The following ACOT7 variants were observed in gnomAD, a reference collection of about 807,000 sequenced individuals.
The protein encoded by ACOT7 is cytosolic acyl coenzyme A thioester hydrolase.
A neutral mutation model predicts 40.2 loss-of-function variants in ACOT7; 12 were observed. That is an observed-to-expected ratio of 0.30 (90% CI 0.19 to 0.48). The LOEUF is 0.48. ACOT7 is among the 20% of genes least tolerant of loss of function. ACOT7 has a pLI of 0.99. For missense variants in ACOT7, 395 were observed against 530.8 expected (o/e 0.74, Z 2.51); for synonymous variants, 228 against 219.5 (o/e 1.04, Z -0.34).
chr1:6,367,370 G>A (rs1355430292), intron 1 of ACOT7, among the ~76,000 whole-genome samples: 3 of 152,182 alleles, frequency 2.0e-5, no homozygotes, highest in Non-Finnish European at 4.4e-5. Flanking sequence ...GGGGCCCACT[G>A]GGCTTATTCC....
At chr1:6,285,021 C>T (rs765302417) in intron 7 of ACOT7, among the ~76,000 whole-genome samples, 1 of 152,262 alleles carries the variant, frequency 6.6e-6, no homozygotes, top group African/African-American at 2.4e-5. Flanking sequence ...CCAACGACCC[C>T]ATTTGCATTG....
rs1641018219 is a variant in ACOT7, at chr1:6,333,532, T to C, written c.455A>G (p.Tyr152Cys). Reference sequence around the variant, plus strand: ...CACATTCTTCAGCGACAGGGGCACATACCACAGGGTGGCCTTATTGGTCAG... The same window carrying C: ...CACATTCTTCAGCGACAGGGGCACACACCACAGGGTGGCCTTATTGGTCAG... Reference protein sequence around the residue: ...KKLTNKATLWYVPLSLKNVDK... With the variant: ...KKLTNKATLWCVPLSLKNVDK... The change falls in exon 4 of 9, where the codon TAT (tyrosine) becomes TGT (cysteine). Residue 152 changes from tyrosine to cysteine, a missense_variant. Around this residue, in one of 2 missense-constraint regions of ACOT7, gnomAD observed 309 missense variants for 470.3 expected, o/e 0.66. Coordinates refer to ENST00000361521, the MANE Select transcript of ACOT7 (RefSeq NM_007274.4). The C allele has an allele frequency of 6.2e-7, 1 of 1,614,090 alleles. No individual in the cohort carries two copies.
intron 3 of ACOT7, among the ~76,000 whole-genome samples, chr1:6,336,252 T>G (rs1641098139): frequency 6.9e-6 from 1 of 145,662 alleles, no homozygotes; most frequent in Non-Finnish European, 1.5e-5. Context: ...GAGAATCACT[T>G]GAACCTGAGA....
intron 6 of ACOT7, among the ~76,000 whole-genome samples, chr1:6,316,176 T>C (rs1165017913): frequency 6.6e-6 from 1 of 152,082 alleles, no homozygotes; most frequent in Non-Finnish European, 1.5e-5. Context: ...GCTGTATGAG[T>C]CTCAAACACA....
rs1304183851 is a variant in ACOT7, at chr1:6,318,389, C to T, written c.712+103G>A. 6.1e-6 allele frequency: 8 copies of T among 1,306,678 alleles called. No individual in the cohort carries two copies. In the Admixed American group the frequency reaches 1.6e-4, roughly 26 times the overall value. 80.9% of individuals were successfully genotyped at this position (1,306,678 alleles called of 1,614,324 possible). ...AACTTCTTGGAAGTTTGTACTTCACCAAACACAAGAGCCTCAAGTGTGTCA... is the reference window on the plus strand; with the variant it reads ...AACTTCTTGGAAGTTTGTACTTCACTAAACACAAGAGCCTCAAGTGTGTCA... On this transcript the variant is annotated intron_variant, in intron 6 of 8. Coordinates refer to ENST00000361521, the MANE Select transcript of ACOT7 (RefSeq NM_007274.4).
rs1412944229 is a variant in ACOT7 at position 6,289,870 on chromosome 1, C to G, written c.829+4994G>C. Among the ~76,000 whole-genome samples, 4 of 152,196 alleles carry G rather than the reference C, an allele frequency of 2.6e-5. No individual in the cohort carries two copies. The East Asian group carries it at 5.8e-4, about 22-fold the overall frequency. On this transcript the variant is annotated intron_variant, in intron 7 of 8. Transcript: ENST00000361521. The surrounding 1 kb of genome is among the most constrained non-coding windows in gnomAD (Gnocchi z 4.6). ...ATAAAATATGCTGAAATGGGCACATCAGAAAACCCCCTTCCACCTGCTAAG... is the reference window on the plus strand; with the variant it reads ...ATAAAATATGCTGAAATGGGCACATGAGAAAACCCCCTTCCACCTGCTAAG...
At chr1:6,318,192 T>C (rs1391653617) in intron 6 of ACOT7, among the ~76,000 whole-genome samples, 2 of 152,170 alleles carry the variant, frequency 1.3e-5, no homozygotes, top group East Asian at 1.9e-4. Context: ...GTAGCTGGGA[T>C]CACAGGTGCA....
At chr1:6,347,016 A>C (rs898507623) in intron 2 of ACOT7, among the ~76,000 whole-genome samples, 2 of 152,156 alleles carry the variant, frequency 1.3e-5, no homozygotes, top group Non-Finnish European at 2.9e-5. Flanking sequence ...CAAGCAGGCC[A>C]AGTAGGCATC....
chr1:6,266,037 G>A (rs933712889), intron 8 of ACOT7, among the ~76,000 whole-genome samples: 6 of 152,112 alleles, frequency 3.9e-5, no homozygotes, highest in African/African-American at 2.4e-5. Flanking sequence ...TGGAATCTTC[G>A]GGTATTTAAA....
chr1:6,281,059 T>C, intron 8 of ACOT7, 43 bp downstream of exon 8: 1 of 1,594,514 alleles, frequency 6.3e-7, no homozygotes, highest in Non-Finnish European at 8.5e-7. Context: ...ACCCTAGGGC[T>C]GCCTGGCAGG....
Position 6,393,721 on chromosome 1 carries a change from C to T in ACOT7, c.-322G>A, listed in dbSNP as rs950961159. ...GTCTGGGGCGGCCTAAGTGGCGGAG[C>T]AGGGCGGACTTGGGCCCTCACTCTC... On this transcript the variant is annotated 5_prime_UTR_variant, in exon 1 of 9. Coordinates refer to ENST00000361521, the MANE Select transcript of ACOT7 (RefSeq NM_007274.4). 31 of 193,272 alleles carry T rather than the reference C, an allele frequency of 1.6e-4. No homozygotes were observed. Among genetic ancestry groups the T allele is most frequent in the African/African-American group, 7.0e-4 (30 of 42,924 alleles). 12.0% of individuals were successfully genotyped at this position (193,272 alleles called of 1,614,324 possible). A position where few individuals can be genotyped will look rare whatever the true frequency, so the allele number is the denominator to read the frequency against.
intron 1 of ACOT7, among the ~76,000 whole-genome samples, chr1:6,361,354 C>T (rs979731106): frequency 2.0e-5 from 3 of 152,098 alleles, no homozygotes; most frequent in Non-Finnish European, 4.4e-5. Flanking sequence ...ACTGCTAATG[C>T]GTGCAGGTTA....
chr1:6,305,221 C>T (rs1296698288), intron 6 of ACOT7, among the ~76,000 whole-genome samples: 3 of 149,738 alleles, frequency 2.0e-5, no homozygotes, highest in South Asian at 2.1e-4. Context: ...ACATCCTTCC[C>T]GGACGGGGCG....
intron 1 of ACOT7, among the ~76,000 whole-genome samples, chr1:6,392,692 C>G (rs922299678): frequency 2.0e-5 from 3 of 152,240 alleles, no homozygotes; most frequent in Non-Finnish European, 4.4e-5. Flanking sequence ...CCTGCCCTCC[C>G]CCAAACCGAA....
rs756235452 is a variant in ACOT7, at chr1:6,327,280, TG to T, written c.625+18del. ...CCCGGTGAGGAGTGGCACCTGCTGC[TG>T]GTGTCCGCGGCTCTTACCTGGGTTG... is the stretch of plus-strand genomic sequence containing the variant. On this transcript the variant is annotated intron_variant, in intron 5 of 8. Coordinates refer to ENST00000361521, the MANE Select transcript of ACOT7 (RefSeq NM_007274.4). 3.7e-6 allele frequency: 6 copies of T among 1,613,042 alleles called. No homozygotes were observed. In the African/African-American group the frequency reaches 8.0e-5, roughly 22 times the overall value.
At chr1:6,285,035 C>T (rs1639463829) in intron 7 of ACOT7, among the ~76,000 whole-genome samples, 4 of 152,230 alleles carry the variant, frequency 2.6e-5, no homozygotes, top group Admixed American at 2.6e-4. Context: ...TGCATTGGCA[C>T]ACTTGTTGGC....
rs1053804251 is a variant in ACOT7, at chr1:6,306,154, G to A, written c.713-11174C>T. 1.7e-5 allele frequency: 13 copies of A among 778,722 alleles called. No individual in the cohort carries two copies. The highest frequency in any genetic ancestry group is 6.3e-5 in the Admixed American group (1 of 15,900). The allele number at this position is 778,722 out of a possible 1,614,324, so 48.2% of individuals were successfully genotyped here. On this transcript the variant is annotated intron_variant, in intron 6 of 8. Coordinates refer to ENST00000361521, the MANE Select transcript of ACOT7 (RefSeq NM_007274.4). The surrounding 1 kb of genome is among the most constrained non-coding windows in gnomAD (Gnocchi z 4.3). ...GATGGCAGCAGCACAGTCCAGCTTC[G>A]GCTCGGCATCAGAGGGAGACCGTGG...
chr1:6,375,924 C>T (rs1486133894), intron 1 of ACOT7, among the ~76,000 whole-genome samples: 3 of 140,754 alleles, frequency 2.1e-5, no homozygotes, highest in South Asian at 2.2e-4. Flanking sequence ...GGCAACAGAG[C>T]GAGACTCCAC....
At chr1:6,332,837 A>AC (rs1292962796) in intron 4 of ACOT7, among the ~76,000 whole-genome samples, 4 of 145,710 alleles carry the variant, frequency 2.7e-5, no homozygotes, top group Non-Finnish European at 4.4e-5. Context: ...ACAAAAAAAA[A>AC]CAAAAAAAAC....
Sources: gnomAD v4.1 joint callset for allele counts (sites outside exome capture counted in the v4.1 genomes callset) on GRCh38, gnomAD v4.1.1 for gene constraint, gnomAD v4.1.1 regional missense constraint, Gnocchi (gnomAD v3.1) non-coding constraint, MANE v1.5 for transcripts, NCBI Gene and HGNC (gene_info 2026-07-23, HGNC 2026-07-21) for gene names.